The following AHCYL2 variants were observed in gnomAD, a reference collection of about 807,000 sequenced individuals.
AHCYL2 encodes the protein S-adenosylhomocysteine hydrolase-like protein 2.
A neutral mutation model predicts 81.4 loss-of-function variants in AHCYL2; 28 were observed. The observed-to-expected ratio is 0.34, with a 90% confidence interval of 0.25 to 0.47. The LOEUF (loss-of-function observed/expected upper bound fraction) is 0.47, where lower values mean the gene tolerates loss of function less well. Among genes scored for constraint, AHCYL2 ranks in the 20% least tolerant of loss-of-function variants. The probability of loss-of-function intolerance (pLI) is 1.00; values close to 1 mark genes in which losing one functional copy is unlikely to be tolerated. For synonymous variants in AHCYL2, 272 were observed against 290.2 expected, an observed-to-expected ratio of 0.94 and a Z score of 0.64; for missense variants, 551 against 785.1, an observed-to-expected ratio of 0.70 and a Z score of 3.56.
At chr7:129,370,925 CT>C (rs1478081565) in intron 1 of AHCYL2, among the ~76,000 whole-genome samples, 1 of 152,160 alleles carries the variant, frequency 6.6e-6, no homozygotes, top group African/African-American at 2.4e-5. Context: ...ACTTTTGAGG[CT>C]TTCTTTCAGA....
At chr7:129,335,315 G>A (rs1464740483) in intron 1 of AHCYL2, among the ~76,000 whole-genome samples, 1 of 151,310 alleles carries the variant, frequency 6.6e-6, no homozygotes, top group Non-Finnish European at 1.5e-5. Flanking sequence ...CAAGACCACA[G>A]TGAGCTATAT....
chr7:129,360,408 G>T (rs924437997), intron 1 of AHCYL2, among the ~76,000 whole-genome samples: 2 of 152,194 alleles, frequency 1.3e-5, no homozygotes, highest in Non-Finnish European at 2.9e-5. Flanking sequence ...GAGCCACCAC[G>T]CCCGGCCACT....
At chr7:129,377,713 A>T in intron 1 of AHCYL2, 1 of 418,572 alleles carries the variant, frequency 2.4e-6, no homozygotes, top group Non-Finnish European at 4.8e-6. Context: ...ACAAACAGAG[A>T]AAACAAAAAA....
intron 1 of AHCYL2, among the ~76,000 whole-genome samples, chr7:129,342,957 T>G (rs1250847599): frequency 6.6e-6 from 1 of 152,218 alleles, no homozygotes; most frequent in Non-Finnish European, 1.5e-5. Context: ...CTTTTAATTA[T>G]GTGAAATCTT....
intron 1 of AHCYL2, among the ~76,000 whole-genome samples, 174 bp downstream of exon 1, chr7:129,225,613 C>T (rs1012605728): frequency 1.3e-5 from 2 of 152,068 alleles, no homozygotes; most frequent in Non-Finnish European, 2.9e-5. Context: ...GCCCCTCGTG[C>T]TGGGAGCGGA....
At chr7:129,424,616 G>GT in intron 13 of AHCYL2, 1 of 538,328 alleles carries the variant, frequency 1.9e-6, no homozygotes, top group Non-Finnish European at 3.3e-6. Flanking sequence ...ATAAGCCTCA[G>GT]TGTCATATGA....
At chr7:129,329,138 GAAT>G (rs1410433658) in intron 1 of AHCYL2, among the ~76,000 whole-genome samples, 1 of 152,186 alleles carries the variant, frequency 6.6e-6, no homozygotes, top group Non-Finnish European at 1.5e-5. Context: ...AGCAATGAGA[GAAT>G]ACCTTGCAGG....
intron 1 of AHCYL2, among the ~76,000 whole-genome samples, chr7:129,345,957 T>C (rs1362637531): frequency 6.6e-6 from 1 of 152,110 alleles, no homozygotes; most frequent in Non-Finnish European, 1.5e-5. Context: ...AGTGGAGATG[T>C]CCAATGAGCA....
chr7:129,309,693 G>T (rs1240470849), intron 1 of AHCYL2, among the ~76,000 whole-genome samples: 1 of 152,122 alleles, frequency 6.6e-6, no homozygotes, highest in Non-Finnish European at 1.5e-5. Context: ...CTCTGTTTCT[G>T]CCTGTGCCTT....
intron 1 of AHCYL2, among the ~76,000 whole-genome samples, chr7:129,326,521 A>C (rs1185964170): frequency 2.0e-5 from 3 of 151,986 alleles, no homozygotes; most frequent in Non-Finnish European, 4.4e-5. Context: ...GTGAGACGCC[A>C]ACTCAAAACA....
Position 129,413,602 on chromosome 7 carries a change from A to G in AHCYL2, c.1375A>G (p.Asn459Asp). ...DIVITCTGNKNVVTREHLDRM... is the reference protein window; with the variant it reads ...DIVITCTGNKDVVTREHLDRM... ...TCTCTTCTGTTTTTAAGGTAACAAG[A>G]ATGTGGTAACCAGAGAGCACTTGGA... Residue 459 changes from asparagine (N) to aspartate (D), a missense_variant, in exon 12 of 17, where the codon AAT becomes GAT. Coordinates refer to ENST00000325006, the MANE Select transcript of AHCYL2 (RefSeq NM_015328.4). 1 of 1,613,918 alleles carries G rather than the reference A, an allele frequency of 6.2e-7. No homozygotes were observed. The highest frequency in any genetic ancestry group is 8.5e-7 in the Non-Finnish European group (1 of 1,179,844).
chr7:129,332,495 A>AT (rs930503663), intron 1 of AHCYL2, among the ~76,000 whole-genome samples: 11 of 152,316 alleles, frequency 7.2e-5, no homozygotes, highest in Non-Finnish European at 5.9e-5. Flanking sequence ...AAATAATGAC[A>AT]TTTTAACCAT....
rs531828060 is a variant in AHCYL2, at chr7:129,271,254, G to A, written c.363+45815G>A. Among the ~76,000 whole-genome samples, 15 of 151,628 alleles carry A rather than the reference G, an allele frequency of 9.9e-5. No individual in the cohort carries two copies. In the South Asian group the frequency reaches 2.1e-3, roughly 21 times the overall value. On this transcript the variant is annotated intron_variant, in intron 1 of 16. Coordinates refer to ENST00000325006, the MANE Select transcript of AHCYL2 (RefSeq NM_015328.4). The stretch of plus-strand genomic sequence containing the variant: ...CAGGCGCCTGTAGTCCCAGCTATTC[G>A]GGAGGCTAAGGCAGAAGAATGGCGT...
chr7:129,360,887 G>C (rs1284085090), intron 1 of AHCYL2, among the ~76,000 whole-genome samples: 1 of 152,130 alleles, frequency 6.6e-6, no homozygotes, highest in Non-Finnish European at 1.5e-5. Flanking sequence ...GGAGTAACTG[G>C]GGTGTTATAA....
intron 1 of AHCYL2, among the ~76,000 whole-genome samples, chr7:129,302,275 G>A (rs778692963): frequency 1.3e-4 from 20 of 152,094 alleles, no homozygotes; most frequent in Non-Finnish European, 1.0e-4. Flanking sequence ...GCGTCTTTAG[G>A]TTTTTCCAAA....
At chr7:129,384,248 TA>T (rs1461454824) in intron 2 of AHCYL2, among the ~76,000 whole-genome samples, 1 of 149,380 alleles carries the variant, frequency 6.7e-6, no homozygotes, top group Non-Finnish European at 1.5e-5. Flanking sequence ...ATATATCATA[TA>T]TATTATGTTG....
Position 129,282,946 on chromosome 7 carries a change from A to G in AHCYL2, c.363+57507A>G, listed in dbSNP as rs143297735. Reference sequence around the variant, plus strand: ...CTCCCCAGGATCCTTGGAATACTCTACCTCGTGCCTTGTTAATTACGGGGT... The same window carrying G: ...CTCCCCAGGATCCTTGGAATACTCTGCCTCGTGCCTTGTTAATTACGGGGT... On this transcript the variant is annotated intron_variant, in intron 1 of 16. Coordinates refer to ENST00000325006, the MANE Select transcript of AHCYL2 (RefSeq NM_015328.4). 9.9e-5 allele frequency among the ~76,000 whole-genome samples: 15 copies of G among 152,210 alleles called. No homozygotes were observed. The East Asian group carries it at 2.9e-3, about 29-fold the overall frequency.
chr7:129,416,370 T>G (rs117016552), intron 12 of AHCYL2, among the ~76,000 whole-genome samples: 4,272 of 152,116 alleles, frequency 0.028, 118 homozygotes, highest in Admixed American at 0.04. Flanking sequence ...GAGAAGAAAA[T>G]AAACATAATA....
At chr7:129,336,394 G>A (rs906569395) in intron 1 of AHCYL2, among the ~76,000 whole-genome samples, 1 of 151,876 alleles carries the variant, frequency 6.6e-6, no homozygotes, top group African/African-American at 2.4e-5. Context: ...TTTTTGCTTG[G>A]TTGAAGCACA....
Sources: allele counts gnomAD v4.1 joint callset (sites outside exome capture counted in the v4.1 genomes callset), GRCh38; gene constraint gnomAD v4.1.1; transcripts MANE v1.5; gene names NCBI Gene and HGNC (gene_info 2026-07-23, HGNC 2026-07-21).